The following NAV2 variants were observed in gnomAD, a reference collection of about 807,000 sequenced individuals.
NAV2 encodes the protein helicase, APC down-regulated 1.
NAV2 carries 54 observed loss-of-function variants against 223.2 expected under a neutral mutation model. The observed-to-expected ratio is 0.24, with a 90% CI of 0.19 to 0.30. The LOEUF is 0.30. NAV2 is among the 10% of genes least tolerant of loss of function. NAV2 has a pLI of 1.00. For synonymous variants in NAV2, 1,279 were observed against 1,239.3 expected (o/e 1.03, Z -0.67); for missense variants, 2,806 against 3,147.5 (o/e 0.89, Z 2.60).
intron 1 of NAV2, among the ~76,000 whole-genome samples, chr11:19,434,709 C>T (rs991865054): frequency 2.6e-5 from 4 of 152,314 alleles, no homozygotes; most frequent in African/African-American, 9.6e-5. Flanking sequence ...GTGGAGTCAA[C>T]ACCTTGGCTT....
At position 20,114,769 on chromosome 11, in the gene NAV2, C is replaced by T. The variant is rs141970011; in HGVS notation, c.7138C>T (p.Pro2380Ser). The T allele has an allele frequency of 8.1e-6, 13 of 1,613,698 alleles. No homozygotes were observed. The highest frequency in any genetic ancestry group is 2.2e-5 in the South Asian group (2 of 91,006). ...REGSTSKQMP[P>S]SDAEGDPLMN... is the part of the protein sequence containing the mutation. ...GGGATCGACAAGCAAGCAGATGCCC[C>T]CCAGTGATGCTGAAGGTGACCCGCT... Residue 2380 changes from proline (P) to serine (S), a missense_variant, in exon 37 of 38, where the codon CCC becomes TCC. By Grantham distance (74) the Pro-to-Ser change is moderately conservative. This residue lies in a region of NAV2 where 824 missense variants were observed against 1,069.4 expected (regional missense o/e 0.77). Transcript: ENST00000349880.
chr11:19,567,944 C>T lies in NAV2; in HGVS notation c.75+216917C>T, dbSNP rs1040351637. Among the ~76,000 whole-genome samples the T allele has an allele frequency of 7.2e-5, 11 of 152,312 alleles. No individual in the cohort carries two copies. In the South Asian group the frequency reaches 1.0e-3, roughly 14 times the overall value. ...TCTGTGTACCCTCGCATCCTAACACCGATCACACTATAGTGTAACTTCATA... is the reference window on the plus strand; with the variant it reads ...TCTGTGTACCCTCGCATCCTAACACTGATCACACTATAGTGTAACTTCATA... On this transcript the variant is annotated intron_variant, in intron 1 of 37. Coordinates refer to the NAV2 transcript ENST00000360655.
intron 3 of NAV2, among the ~76,000 whole-genome samples, chr11:19,866,515 A>G (rs1377975690): frequency 6.6e-6 from 1 of 152,234 alleles, no homozygotes; most frequent in Non-Finnish European, 1.5e-5. Context: ...ACATTAAAAG[A>G]AAGTCCAGCA....
At chr11:19,971,939 G>A (rs182155763) in intron 10 of NAV2, among the ~76,000 whole-genome samples, 138 of 152,318 alleles carry the variant, frequency 9.1e-4, no homozygotes, top group African/African-American at 3.3e-3. Context: ...CTGACCTCAG[G>A]TGATCCACCC....
At chr11:19,809,700 A>T (rs1291124300) in intron 1 of NAV2, among the ~76,000 whole-genome samples, 4 of 152,210 alleles carry the variant, frequency 2.6e-5, no homozygotes, top group Non-Finnish European at 4.4e-5. Context: ...TCTGGGCTTG[A>T]CAGCTTCTCA....
intron 35 of NAV2, among the ~76,000 whole-genome samples, chr11:20,107,008 C>G (rs1189575784): frequency 6.9e-6 from 1 of 145,728 alleles, no homozygotes; most frequent in Non-Finnish European, 1.5e-5. Context: ...GATGTACCCT[C>G]ATTTGCTTAA....
At chr11:19,883,458 C>T (rs1269804450) in intron 5 of NAV2, among the ~76,000 whole-genome samples, 3 of 152,158 alleles carry the variant, frequency 2.0e-5, no homozygotes, top group Non-Finnish European at 4.4e-5. Flanking sequence ...GCATAGTCTC[C>T]AGGACTTGCT....
intron 11 of NAV2, chr11:20,022,856 G>C: frequency 7.7e-7 from 1 of 1,299,368 alleles, no homozygotes; most frequent in Non-Finnish European, 9.7e-7. Context: ...CAGCTGACTT[G>C]ATACCAGCAC....
intron 1 of NAV2, among the ~76,000 whole-genome samples, chr11:19,357,246 CT>C (rs1165349348): frequency 3.5e-4 from 53 of 152,136 alleles, no homozygotes; most frequent in African/African-American, 1.2e-3. Flanking sequence ...TCCTATTGGT[CT>C]GTACTGTGTC....
At chr11:19,557,785 G>GGGAT (rs1282233837) in intron 1 of NAV2, among the ~76,000 whole-genome samples, 4 of 152,216 alleles carry the variant, frequency 2.6e-5, no homozygotes, top group African/African-American at 9.6e-5. Context: ...GGTGGCTGAA[G>GGGAT]GGATGGCAGA....
rs764351143 is a variant in NAV2 at position 20,048,740 on chromosome 11, G to A, written c.3915G>A (p.Gly1305=). 1.2e-6 allele frequency: 2 copies of A among 1,613,874 alleles called. No homozygotes were observed. Among genetic ancestry groups the A allele is most frequent in the South Asian group, 2.2e-5 (2 of 91,048 alleles). The change falls in exon 15 of 38, where the codon GGG becomes GGA. Residue 1305 remains glycine (G), a synonymous_variant. Transcript: ENST00000349880. The stretch of plus-strand genomic sequence containing the variant: ...TGTCTCTTCACAGACTCTTTGGTGG[G>A]AAGCCTACCAAGCAAGTGCCCATCG... The part of the protein sequence containing the change: ...ASPTLRRLFG[G]KPTKQVPIAT...
chr11:19,796,621 C>A (rs1195290636), intron 1 of NAV2, among the ~76,000 whole-genome samples: 1 of 152,210 alleles, frequency 6.6e-6, no homozygotes, highest in African/African-American at 2.4e-5. Context: ...GACCCTGAAA[C>A]TGGTGTGCCC....
intron 1 of NAV2, among the ~76,000 whole-genome samples, chr11:19,553,558 G>A (rs796187418): frequency 4.6e-5 from 7 of 152,290 alleles, no homozygotes; most frequent in African/African-American, 1.4e-4. Context: ...GATGAGCCAG[G>A]GAAGGCACTG....
chr11:19,961,600 C>G (rs867527176), intron 10 of NAV2, among the ~76,000 whole-genome samples: 7 of 152,330 alleles, frequency 4.6e-5, no homozygotes, highest in South Asian at 2.1e-4. Context: ...GAGATAGAGG[C>G]AGAAGACCTG....
chr11:19,782,955 G>A (rs1038106455), intron 1 of NAV2, among the ~76,000 whole-genome samples: 2 of 152,178 alleles, frequency 1.3e-5, no homozygotes, highest in Non-Finnish European at 2.9e-5. Context: ...TAACACTGTG[G>A]AGTGGGACAA....
At chr11:19,654,579 A>G (rs1214300220) in intron 1 of NAV2, among the ~76,000 whole-genome samples, 3 of 152,212 alleles carry the variant, frequency 2.0e-5, no homozygotes, top group Non-Finnish European at 4.4e-5. Context: ...GCCCTCAAAA[A>G]TAATGCCACA....
chr11:19,463,502 G>A (rs904005424), intron 1 of NAV2, among the ~76,000 whole-genome samples: 3 of 152,238 alleles, frequency 2.0e-5, no homozygotes, highest in Non-Finnish European at 4.4e-5. Context: ...GATGGAGTGA[G>A]CACAGACTCC....
intron 1 of NAV2, among the ~76,000 whole-genome samples, chr11:19,385,656 G>A (rs569249822): frequency 2.0e-5 from 3 of 149,584 alleles, no homozygotes; most frequent in Non-Finnish European, 4.4e-5. Flanking sequence ...CTGCATTTAA[G>A]TTCTTTGAAA....
At chr11:19,518,155 A>ATTT (rs2043518997) in intron 1 of NAV2, among the ~76,000 whole-genome samples, 8 of 152,228 alleles carry the variant, frequency 5.3e-5, no homozygotes, top group Admixed American at 6.5e-5. Context: ...TTCCTGGATA[A>ATTT]CAGACTCCTA....
Sources: gnomAD v4.1 joint callset for allele counts (sites outside exome capture counted in the v4.1 genomes callset) on GRCh38, gnomAD v4.1.1 for gene constraint, gnomAD v4.1.1 regional missense constraint, MANE v1.5 for transcripts, NCBI Gene and HGNC (gene_info 2026-07-23, HGNC 2026-07-21) for gene names.